BRINP3: variants seen among roughly 807,000 people sequenced by gnomAD.
BRINP3 encodes the protein BMP/retinoic acid-inducible neural-specific protein 3.
Under a neutral mutation model 71.0 loss-of-function variants are expected in BRINP3, and 19 were observed. The ratio of observed to expected loss-of-function variants is 0.27; its 90% CI spans 0.19 to 0.39. The LOEUF is 0.39. Among genes scored for constraint, BRINP3 ranks in the 10% least tolerant of loss-of-function variants. The pLI, the probability that BRINP3 is intolerant of heterozygous loss-of-function variation, is 1.00. For missense variants in BRINP3, 959 were observed against 940.8 expected, an observed-to-expected ratio of 1.02 and a Z score of -0.25; for synonymous variants, 380 against 337.7, an observed-to-expected ratio of 1.13 and a Z score of -1.37.
chr1:190,435,977 G>T (rs1444767938), intron 2 of BRINP3, among the ~76,000 whole-genome samples: 1 of 151,938 alleles, frequency 6.6e-6, no homozygotes, highest in African/African-American at 2.4e-5. Flanking sequence ...AGACAAAATA[G>T]ATTTTGTAAG....
At chr1:190,363,406 T>A (rs1669279297) in intron 2 of BRINP3, among the ~76,000 whole-genome samples, 1 of 152,180 alleles carries the variant, frequency 6.6e-6, no homozygotes, top group African/African-American at 2.4e-5. Flanking sequence ...AATAACTTGA[T>A]GTTCATTGGT....
intron 5 of BRINP3, among the ~76,000 whole-genome samples, chr1:190,227,345 T>C (rs1037137323): frequency 2.0e-5 from 3 of 151,824 alleles, no homozygotes; most frequent in African/African-American, 7.2e-5. Flanking sequence ...AATTGCAAAA[T>C]TTCCTTTGCA....
intron 4 of BRINP3, among the ~76,000 whole-genome samples, chr1:190,238,369 G>C (rs1032799457): frequency 4.6e-5 from 7 of 151,952 alleles, no homozygotes; most frequent in African/African-American, 1.7e-4. Flanking sequence ...TACATACTCT[G>C]TTTTTTAAAA....
At chr1:190,305,476 T>G (rs1665030255) in intron 2 of BRINP3, among the ~76,000 whole-genome samples, 1 of 151,798 alleles carries the variant, frequency 6.6e-6, no homozygotes, top group South Asian at 2.1e-4. Flanking sequence ...TATATTACAT[T>G]AAGTGAGCTA....
chr1:190,204,850 A>T (rs1475135018), intron 6 of BRINP3, among the ~76,000 whole-genome samples: 1 of 152,058 alleles, frequency 6.6e-6, no homozygotes, highest in Non-Finnish European at 1.5e-5. Context: ...GAACTTAGTG[A>T]ATCAAAATTT....
intron 2 of BRINP3, among the ~76,000 whole-genome samples, chr1:190,288,220 A>G (rs1663584711): frequency 6.6e-6 from 1 of 151,986 alleles, no homozygotes; most frequent in Non-Finnish European, 1.5e-5. Flanking sequence ...AATAATACAG[A>G]TTAGGTAACT....
chr1:190,222,433 A>C (rs890478410), intron 6 of BRINP3, among the ~76,000 whole-genome samples: 28 of 151,972 alleles, frequency 1.8e-4, no homozygotes, highest in African/African-American at 6.3e-4. Flanking sequence ...TATAGTAATA[A>C]ATGCCTAAAT....
chr1:190,457,804 G>A (rs932368736), intron 1 of BRINP3, among the ~76,000 whole-genome samples: 3 of 151,848 alleles, frequency 2.0e-5, no homozygotes, highest in Non-Finnish European at 4.4e-5. Context: ...TGGCATTTGA[G>A]GTCCTGTTCT....
At chr1:190,146,161 T>C (rs781120282) in intron 7 of BRINP3, among the ~76,000 whole-genome samples, 4 of 152,252 alleles carry the variant, frequency 2.6e-5, no homozygotes, top group East Asian at 1.9e-4. Flanking sequence ...AAAGAACTTA[T>C]CCATGTAACC....
intron 7 of BRINP3, among the ~76,000 whole-genome samples, chr1:190,155,238 C>T (rs948369294): frequency 6.6e-6 from 1 of 151,956 alleles, no homozygotes; most frequent in Non-Finnish European, 1.5e-5. Context: ...TATTCCATTA[C>T]ATCTCACTTT....
chr1:190,327,352 G>GAAAA (rs796445574), intron 2 of BRINP3, among the ~76,000 whole-genome samples: 117 of 77,284 alleles, frequency 1.5e-3, no homozygotes, highest in Non-Finnish European at 2.3e-3. Flanking sequence ...AAAAAAAAAG[G>GAAAA]AAAAAAAAAA....
intron 2 of BRINP3, among the ~76,000 whole-genome samples, chr1:190,446,344 G>T (rs1246656254): frequency 6.6e-6 from 1 of 151,968 alleles, no homozygotes; most frequent in Admixed American, 6.6e-5. Context: ...ATTGCACCAA[G>T]TGTGTTAACA....
intron 4 of BRINP3, among the ~76,000 whole-genome samples, chr1:190,259,497 A>G (rs931834290): frequency 1.3e-5 from 2 of 151,842 alleles, no homozygotes; most frequent in Admixed American, 6.6e-5. Context: ...TGTATTAAAG[A>G]GCATGTATGA....
At chr1:190,151,895 G>A (rs1342913) in intron 7 of BRINP3, among the ~76,000 whole-genome samples, 92,169 of 152,024 alleles carry the variant, frequency 0.61, 29,387 homozygotes, top group African/African-American at 0.83. Flanking sequence ...CTGGAGAAAA[G>A]ATGACGTGAC....
chr1:190,207,827 A>G (rs1270371585), intron 6 of BRINP3, among the ~76,000 whole-genome samples: 1 of 152,160 alleles, frequency 6.6e-6, no homozygotes, highest in Non-Finnish European at 1.5e-5. Flanking sequence ...ATTACAGCCT[A>G]GATTATGATC....
chr1:190,398,140 T>C (rs1479195828), intron 2 of BRINP3, among the ~76,000 whole-genome samples: 1 of 151,954 alleles, frequency 6.6e-6, no homozygotes, highest in African/African-American at 2.4e-5. Context: ...CATTATATGA[T>C]TTTAGAGGGT....
At chr1:190,213,046 C>T (rs1480259005) in intron 6 of BRINP3, among the ~76,000 whole-genome samples, 1 of 151,898 alleles carries the variant, frequency 6.6e-6, no homozygotes, top group Non-Finnish European at 1.5e-5. Context: ...GTGTCAAGTA[C>T]CCTTTAGAAG....
chr1:190,468,076 G>T (rs1676878781), intron 1 of BRINP3, among the ~76,000 whole-genome samples: 2 of 151,212 alleles, frequency 1.3e-5, no homozygotes, highest in Admixed American at 1.3e-4. Flanking sequence ...ACTTATCTGA[G>T]ACCAATATTT....
intron 7 of BRINP3, among the ~76,000 whole-genome samples, chr1:190,131,573 A>G (rs1257828251): frequency 6.6e-6 from 1 of 152,020 alleles, no homozygotes; most frequent in African/African-American, 2.4e-5. Context: ...GTCTTCTGTG[A>G]AAAACTTTGT....
Sources: allele counts gnomAD v4.1 joint callset (sites outside exome capture counted in the v4.1 genomes callset), GRCh38; gene constraint gnomAD v4.1.1; transcripts MANE v1.5; gene names NCBI Gene and HGNC (gene_info 2026-07-23, HGNC 2026-07-21).